The following ZRANB3 variants were observed in gnomAD, a reference collection of about 807,000 sequenced individuals.
ZRANB3 encodes the protein DNA annealing helicase and endonuclease ZRANB3.
Under a neutral mutation model 133.8 loss-of-function variants are expected in ZRANB3, and 125 were observed. That is an observed-to-expected ratio of 0.93 (90% CI 0.81 to 1.08). The LOEUF (loss-of-function observed/expected upper bound fraction) is 1.08, where lower values mean the gene tolerates loss of function less well. Ranked by LOEUF, ZRANB3 falls within the 50% of genes least tolerant of loss-of-function variation. The pLI is 0.00. For synonymous variants in ZRANB3, 387 were observed against 432.7 expected, an observed-to-expected ratio of 0.89 and a Z score of 1.31; for missense variants, 1,229 against 1,275.5, an observed-to-expected ratio of 0.96 and a Z score of 0.56.
chr2:135,233,049 A>C (rs1333861449), intron 12 of ZRANB3, among the ~76,000 whole-genome samples: 2 of 152,232 alleles, frequency 1.3e-5, no homozygotes, highest in Non-Finnish European at 2.9e-5. Context: ...CCTTGAAAAA[A>C]AATTAGACGA....
intron 2 of ZRANB3, 74 bp downstream of exon 2, chr2:135,504,255 G>T: frequency 1.3e-6 from 2 of 1,572,004 alleles, no homozygotes; most frequent in Non-Finnish European, 1.7e-6. Context: ...CGAAAAGAAA[G>T]TTTGAACAGA....
intron 2 of ZRANB3, among the ~76,000 whole-genome samples, chr2:135,398,831 C>CT (rs1447133749): frequency 1.3e-5 from 2 of 152,144 alleles, no homozygotes; most frequent in Admixed American, 1.3e-4. Flanking sequence ...CATTTTGTCA[C>CT]TTTTTTTATT....
chr2:135,435,769 TGGC>T (rs1689506187), intron 2 of ZRANB3, among the ~76,000 whole-genome samples: 1 of 152,250 alleles, frequency 6.6e-6, no homozygotes, highest in Non-Finnish European at 1.5e-5. Flanking sequence ...ATATGCTTGT[TGGC>T]CGTACGTATG....
intron 17 of ZRANB3, 79 bp from the exon 18 acceptor site, chr2:135,209,057 C>A: frequency 7.5e-7 from 1 of 1,341,352 alleles, no homozygotes. Flanking sequence ...TTGTTCCTTG[C>A]AAAAGCAATA....
At chr2:135,465,391 A>T (rs1379898650) in intron 2 of ZRANB3, among the ~76,000 whole-genome samples, 1 of 151,772 alleles carries the variant, frequency 6.6e-6, no homozygotes, top group Non-Finnish European at 1.5e-5. Context: ...GTCCTGTTTT[A>T]AAGTTCATGT....
At chr2:135,456,248 C>G (rs1255366847) in intron 2 of ZRANB3, among the ~76,000 whole-genome samples, 2 of 152,176 alleles carry the variant, frequency 1.3e-5, no homozygotes, top group African/African-American at 4.8e-5. Context: ...AAGCAGTTCT[C>G]CTCCATGTGG....
chr2:135,490,749 T>C (rs1214429489), intron 2 of ZRANB3, among the ~76,000 whole-genome samples: 1 of 151,934 alleles, frequency 6.6e-6, no homozygotes, highest in Non-Finnish European at 1.5e-5. Flanking sequence ...TGCCCACGAG[T>C]AGATAAATGG....
chr2:135,471,857 A>G lies in ZRANB3; in HGVS notation c.161+32472T>C, dbSNP rs571465139. 4.6e-5 allele frequency among the ~76,000 whole-genome samples: 7 copies of G among 152,368 alleles called. No individual in the cohort carries two copies. The South Asian group carries it at 1.4e-3, about 32-fold the overall frequency. Reference sequence around the variant, plus strand: ...TTATTTTGCCTTTAGCATTACCAAAAATCAGTCATTACATGACTAGTCTTT... The same window carrying G: ...TTATTTTGCCTTTAGCATTACCAAAGATCAGTCATTACATGACTAGTCTTT... On this transcript the variant is annotated intron_variant, in intron 2 of 20. Coordinates refer to ENST00000264159, the MANE Select transcript of ZRANB3 (RefSeq NM_032143.4).
chr2:135,303,809 G>C (rs559654965), intron 8 of ZRANB3, among the ~76,000 whole-genome samples: 1 of 152,096 alleles, frequency 6.6e-6, no homozygotes, highest in African/African-American at 2.4e-5. Context: ...ATTTAAATTT[G>C]CTTTACTTAT....
chr2:135,202,146 C>T (rs146483421), intron 20 of ZRANB3, among the ~76,000 whole-genome samples: 3 of 152,246 alleles, frequency 2.0e-5, no homozygotes, highest in East Asian at 3.9e-4. Context: ...ATTATGCAGT[C>T]ATTTTAGATG....
chr2:135,230,525 G>C lies in ZRANB3; in HGVS notation c.1942C>G (p.Gln648Glu), dbSNP rs1025244671. ...TCTATATACTCACCAGCACTGCCTT[G>C]AGGAGTCTCACACATTTCACAATAA... ...LPYCEMCETPQGSAVMQIDSL... is the reference protein window; with the variant it reads ...LPYCEMCETPEGSAVMQIDSL... Residue 648 changes from glutamine (Q) to glutamate (E), a missense_variant, in exon 13 of 21, where the codon CAA becomes GAA. By Grantham distance (29) the Gln-to-Glu change is conservative. Coordinates refer to ENST00000264159, the MANE Select transcript of ZRANB3 (RefSeq NM_032143.4). 2 of 1,539,480 alleles carry C rather than the reference G, an allele frequency of 1.3e-6. No individual in the cohort carries two copies. Among genetic ancestry groups the C allele is most frequent in the Admixed American group, 4.2e-5 (2 of 47,602 alleles).
chr2:135,448,723 G>A (rs761339775), intron 2 of ZRANB3, among the ~76,000 whole-genome samples: 16 of 152,268 alleles, frequency 1.1e-4, no homozygotes, highest in Non-Finnish European at 1.5e-4. Context: ...GCTGGCCACA[G>A]GTACTTCAGA....
rs1459375845 is a variant in ZRANB3, at chr2:135,198,581, G to C, written c.*1761C>G. 6.6e-6 allele frequency: 1 copy of C among 152,200 alleles called. No homozygotes were observed. Among genetic ancestry groups the C allele is most frequent in the East Asian group, 1.9e-4 (1 of 5,200 alleles). 9.4% of individuals were successfully genotyped at this position (152,200 alleles called of 1,614,324 possible). On this transcript the variant is annotated 3_prime_UTR_variant, in exon 21 of 21. Transcript: ENST00000264159. ...CTCCTTAGAATTATCACCTTAGTGT[G>C]ATCTGAAGAGCAAGTTCCCCTCAAA...
chr2:135,361,920 C>T (rs184486190), intron 3 of ZRANB3, among the ~76,000 whole-genome samples: 344 of 152,084 alleles, frequency 2.3e-3, no homozygotes, highest in African/African-American at 6.1e-3. Flanking sequence ...TGTGTACGGC[C>T]GGGCACAGTG....
intron 2 of ZRANB3, among the ~76,000 whole-genome samples, chr2:135,404,724 G>A: frequency 6.6e-6 from 1 of 152,320 alleles, no homozygotes; most frequent in East Asian, 1.9e-4. Context: ...TACCCACAAA[G>A]GGAAGCCCAT....
At chr2:135,227,772 T>C in intron 14 of ZRANB3, 40 bp downstream of exon 14, 1 of 1,528,016 alleles carries the variant, frequency 6.5e-7, no homozygotes, top group Non-Finnish European at 8.9e-7. Context: ...TGAAAGTATA[T>C]GGTTATTACT....
At chr2:135,240,673 G>A (rs893192608) in intron 12 of ZRANB3, among the ~76,000 whole-genome samples, 1 of 152,166 alleles carries the variant, frequency 6.6e-6, no homozygotes, top group Non-Finnish European at 1.5e-5. Flanking sequence ...TGACCTCCTG[G>A]ATTCAAGTGA....
intron 3 of ZRANB3, chr2:135,355,281 A>G: frequency 1.0e-6 from 1 of 984,984 alleles, no homozygotes; most frequent in Non-Finnish European, 1.2e-6. Flanking sequence ...TCCAATTTTC[A>G]CACCCGAAGC....
At chr2:135,479,843 C>A (rs138985526) in intron 2 of ZRANB3, among the ~76,000 whole-genome samples, 1 of 152,042 alleles carries the variant, frequency 6.6e-6, no homozygotes, top group African/African-American at 2.4e-5. Context: ...TACGGTTTCT[C>A]ATAAATTAGA....
Sources: allele counts gnomAD v4.1 joint callset (sites outside exome capture counted in the v4.1 genomes callset), GRCh38; gene constraint gnomAD v4.1.1; transcripts MANE v1.5; gene names NCBI Gene and HGNC (gene_info 2026-07-23, HGNC 2026-07-21).